The following KCNAB1 variants were observed in gnomAD, a reference collection of about 807,000 sequenced individuals.
KCNAB1 encodes potassium voltage-gated channel subfamily A regulatory beta subunit 1, also known as voltage-gated potassium channel subunit beta-1.
Under a neutral mutation model 64.6 loss-of-function variants are expected in KCNAB1, and 35 were observed. The ratio of observed to expected loss-of-function variants is 0.54; its 90% CI spans 0.41 to 0.72. The LOEUF is 0.72. KCNAB1 is among the 30% of genes least tolerant of loss of function. The pLI is 0.00. For missense variants in KCNAB1, 401 were observed against 512.9 expected (o/e 0.78, Z 2.11); for synonymous variants, 177 against 183.8 (o/e 0.96, Z 0.30).
intron 5 of KCNAB1, among the ~76,000 whole-genome samples, chr3:156,461,714 C>G (rs1460720282): frequency 6.6e-6 from 1 of 152,104 alleles, no homozygotes; most frequent in African/African-American, 2.4e-5. Context: ...ACCCAGAGAA[C>G]ATTAAATTAT....
chr3:156,468,217 A>T (rs1223442506), intron 7 of KCNAB1, among the ~76,000 whole-genome samples: 1 of 152,186 alleles, frequency 6.6e-6, no homozygotes, highest in East Asian at 1.9e-4. Flanking sequence ...GAAATATCTT[A>T]GACTTGCAAT....
chr3:156,239,769 T>G (rs1717059594), intron 1 of KCNAB1, among the ~76,000 whole-genome samples: 1 of 152,230 alleles, frequency 6.6e-6, no homozygotes, highest in African/African-American at 2.4e-5. Context: ...TATCAGTCCT[T>G]GGGAAAGGAT....
intron 1 of KCNAB1, among the ~76,000 whole-genome samples, chr3:156,206,707 A>G (rs575335939): frequency 6.6e-6 from 1 of 152,330 alleles, no homozygotes; most frequent in East Asian, 1.9e-4. Context: ...TGGGGACATC[A>G]TAGTTATTCA....
At chr3:156,249,242 T>G (rs1052363424) in intron 1 of KCNAB1, among the ~76,000 whole-genome samples, 3 of 151,990 alleles carry the variant, frequency 2.0e-5, no homozygotes. Context: ...TAGCTGACCA[T>G]GAAAATATCT....
intron 1 of KCNAB1, chr3:156,290,878 C>G (rs1443758678): frequency 1.2e-6 from 1 of 845,590 alleles, no homozygotes; most frequent in South Asian, 5.4e-5. Flanking sequence ...GGAAACCAAA[C>G]TTATCTGCTT....
chr3:156,424,947 T>C (rs577104408), intron 2 of KCNAB1, among the ~76,000 whole-genome samples: 1 of 152,344 alleles, frequency 6.6e-6, no homozygotes, highest in African/African-American at 2.4e-5. Context: ...CTGACTTGCT[T>C]CATTCAAAAC....
At chr3:156,493,980 T>C (rs191420469) in intron 8 of KCNAB1, among the ~76,000 whole-genome samples, 8 of 152,260 alleles carry the variant, frequency 5.3e-5, no homozygotes, top group Non-Finnish European at 1.2e-4. Context: ...CACTGTAAAG[T>C]TACCTTTAGT....
intron 8 of KCNAB1, among the ~76,000 whole-genome samples, chr3:156,509,295 C>G (rs946730310): frequency 6.6e-6 from 1 of 152,164 alleles, no homozygotes; most frequent in Non-Finnish European, 1.5e-5. Context: ...TGAAAGGCTG[C>G]TTAAAACACA....
intron 1 of KCNAB1, among the ~76,000 whole-genome samples, chr3:156,392,840 T>C (rs971856705): frequency 1.3e-5 from 2 of 152,240 alleles, no homozygotes; most frequent in Non-Finnish European, 2.9e-5. Context: ...TTTCACATTT[T>C]GCTGAACTTA....
At position 156,453,381 on chromosome 3, in the gene KCNAB1, G is replaced by A. The variant is rs144821387; in HGVS notation, c.357+445G>A. 1,307 of 153,248 alleles carry A rather than the reference G, an allele frequency of 8.5e-3. 23 individuals are homozygous for A. Among genetic ancestry groups the A allele is most frequent in the African/African-American group, 0.029 (1,224 of 41,568 alleles). 9.5% of individuals were successfully genotyped at this position (153,248 alleles called of 1,614,324 possible). On this transcript the variant is annotated intron_variant, in intron 3 of 13. Coordinates refer to ENST00000490337, the MANE Select transcript of KCNAB1 (RefSeq NM_172160.3). ...GGGAAAACTGCACAGTTGGTCACCT[G>A]GCTTGGGCGACTTAATCTAACCTCT...
chr3:156,297,259 C>CTTTTTT (rs71141704), intron 1 of KCNAB1, among the ~76,000 whole-genome samples: 1 of 96,470 alleles, frequency 1.0e-5, no homozygotes, highest in Non-Finnish European at 2.3e-5. Context: ...TTGAGGTTGG[C>CTTTTTT]TTTTTTTTTT....
chr3:156,409,794 A>T (rs148814792), intron 1 of KCNAB1, among the ~76,000 whole-genome samples: 2,099 of 152,318 alleles, frequency 0.014, 17 homozygotes, highest in Non-Finnish European at 0.023. Context: ...GACACAACAA[A>T]CTAAAAAATG....
chr3:156,125,163 C>T (rs959049731), intron 1 of KCNAB1, among the ~76,000 whole-genome samples: 1 of 151,512 alleles, frequency 6.6e-6, no homozygotes, highest in African/African-American at 2.4e-5. Flanking sequence ...CATTGCAAAA[C>T]TTAAATGAGA....
At chr3:156,366,843 A>G (rs1421090767) in intron 1 of KCNAB1, among the ~76,000 whole-genome samples, 2 of 152,254 alleles carry the variant, frequency 1.3e-5, no homozygotes, top group Admixed American at 6.5e-5. Context: ...TCACGCAGTT[A>G]TAGGTTACAT....
intron 1 of KCNAB1, among the ~76,000 whole-genome samples, chr3:156,417,193 C>T (rs953050980): frequency 1.3e-5 from 2 of 152,128 alleles, no homozygotes; most frequent in Non-Finnish European, 2.9e-5. Flanking sequence ...TGCTCATGTA[C>T]ATTATTAAAT....
intron 1 of KCNAB1, among the ~76,000 whole-genome samples, chr3:156,366,426 A>AGGACT (rs1725949262): frequency 5.9e-5 from 9 of 152,312 alleles, no homozygotes; most frequent in Admixed American, 5.2e-4. Context: ...CTCCTAGAAG[A>AGGACT]GGACTGGGCC....
intron 1 of KCNAB1, among the ~76,000 whole-genome samples, chr3:156,385,814 G>A (rs1051640063): frequency 6.6e-6 from 1 of 152,160 alleles, no homozygotes; most frequent in Non-Finnish European, 1.5e-5. Context: ...AAATTAAAGT[G>A]AGCACTTTCT....
intron 1 of KCNAB1, among the ~76,000 whole-genome samples, chr3:156,223,189 GA>G (rs1715894463): frequency 6.6e-6 from 1 of 152,208 alleles, no homozygotes; most frequent in Non-Finnish European, 1.5e-5. Flanking sequence ...TGAAGCTGCA[GA>G]CCTTTGCGGT....
intron 1 of KCNAB1, among the ~76,000 whole-genome samples, chr3:156,311,029 T>G (rs1471736611): frequency 6.6e-6 from 1 of 152,052 alleles, no homozygotes; most frequent in East Asian, 1.9e-4. Context: ...CAGGTGCAAG[T>G]GAAAGAGGAG....
Sources: gnomAD v4.1 joint callset for allele counts (sites outside exome capture counted in the v4.1 genomes callset) on GRCh38, gnomAD v4.1.1 for gene constraint, MANE v1.5 for transcripts, NCBI Gene and HGNC (gene_info 2026-07-23, HGNC 2026-07-21) for gene names.